The following CTNNA3 variants were observed in gnomAD, a reference collection of about 807,000 sequenced individuals.
CTNNA3 encodes catenin alpha-3.
In CTNNA3, 76 loss-of-function variants were observed where a neutral mutation model predicts 95.7. The ratio of observed to expected loss-of-function variants is 0.79; its 90% CI spans 0.66 to 0.96. The LOEUF (loss-of-function observed/expected upper bound fraction) is 0.96, where lower values mean the gene tolerates loss of function less well. CTNNA3 is among the 40% of genes least tolerant of loss of function. The pLI is 0.00. For missense variants in CTNNA3, 1,191 were observed against 1,089.8 expected (o/e 1.09, Z -1.31); for synonymous variants, 431 against 374.4 (o/e 1.15, Z -1.74).
intron 2 of CTNNA3, among the ~76,000 whole-genome samples, chr10:67,608,036 T>C (rs1589482823): frequency 6.6e-6 from 1 of 152,170 alleles, no homozygotes; most frequent in East Asian, 1.9e-4. Flanking sequence ...GGGAATACAG[T>C]GAGAGAGAGT....
At chr10:67,161,491 T>C (rs976985009) in intron 7 of CTNNA3, among the ~76,000 whole-genome samples, 1 of 151,850 alleles carries the variant, frequency 6.6e-6, no homozygotes, top group Non-Finnish European at 1.5e-5. Flanking sequence ...GTGTATATAA[T>C]GCCATACCTC....
chr10:66,647,034 GAA>G (rs1845729755), intron 9 of CTNNA3, among the ~76,000 whole-genome samples: 1 of 151,362 alleles, frequency 6.6e-6, no homozygotes, highest in African/African-American at 2.4e-5. Context: ...AAAAGAAAAA[GAA>G]TGCGGCTGCA....
At chr10:67,126,632 C>CT (rs1179732805) in intron 7 of CTNNA3, among the ~76,000 whole-genome samples, 16 of 152,208 alleles carry the variant, frequency 1.1e-4, no homozygotes, top group African/African-American at 3.9e-4. Flanking sequence ...CATGCCAGCA[C>CT]TTTCTTCAAT....
At chr10:67,709,460 G>A (rs1345016694) in intron 1 of CTNNA3, among the ~76,000 whole-genome samples, 2 of 152,140 alleles carry the variant, frequency 1.3e-5, no homozygotes, top group Non-Finnish European at 1.5e-5. Context: ...AACCCTCTAA[G>A]TTTCTTTGGA....
chr10:67,376,432 C>T (rs1278750960), intron 5 of CTNNA3, among the ~76,000 whole-genome samples: 3 of 152,204 alleles, frequency 2.0e-5, no homozygotes, highest in Non-Finnish European at 4.4e-5. Context: ...TATCCTCTCA[C>T]ATGAATTAAG....
At chr10:66,686,271 C>A (rs760041346) in intron 9 of CTNNA3, among the ~76,000 whole-genome samples, 32 of 149,102 alleles carry the variant, frequency 2.1e-4, no homozygotes, top group Non-Finnish European at 3.8e-4. Context: ...TCTTCAGCAG[C>A]CTGGGCAACA....
At chr10:66,527,515 A>G (rs1280079341) in intron 10 of CTNNA3, among the ~76,000 whole-genome samples, 1 of 152,154 alleles carries the variant, frequency 6.6e-6, no homozygotes, top group Non-Finnish European at 1.5e-5. Context: ...TATCATCTTC[A>G]TAATATTAAA....
chr10:66,182,655 T>C (rs10996958), intron 13 of CTNNA3, among the ~76,000 whole-genome samples: 23,766 of 152,114 alleles, frequency 0.16, 2,267 homozygotes, highest in Middle Eastern at 0.23. Flanking sequence ...TGTGTGGAAT[T>C]TTCTTTTTCC....
chr10:66,441,312 T>C (rs1444664823), intron 11 of CTNNA3, among the ~76,000 whole-genome samples: 1 of 152,222 alleles, frequency 6.6e-6, no homozygotes, highest in East Asian at 1.9e-4. Context: ...TATGATAGAT[T>C]GATCTGTTCA....
chr10:67,696,410 A>G (rs1840965086), upstream of CTNNA3, among the ~76,000 whole-genome samples: 2 of 152,236 alleles, frequency 1.3e-5, no homozygotes, highest in Non-Finnish European at 2.9e-5. Context: ...AAAGGCTGGA[A>G]TTATTGAAAG....
At chr10:65,996,295 G>T (rs2133350606) in intron 15 of CTNNA3, among the ~76,000 whole-genome samples, 2 of 152,272 alleles carry the variant, frequency 1.3e-5, no homozygotes, top group South Asian at 4.1e-4. Flanking sequence ...GGGAGCACAT[G>T]CTTTGGCTCC....
chr10:67,560,810 A>G (rs1194048826), intron 3 of CTNNA3, among the ~76,000 whole-genome samples: 4 of 152,230 alleles, frequency 2.6e-5, no homozygotes, highest in Admixed American at 6.5e-5. Flanking sequence ...AAGCAAATGG[A>G]AAACAAAAAA....
chr10:66,107,831 A>C (rs2081966885), intron 13 of CTNNA3, among the ~76,000 whole-genome samples: 1 of 152,094 alleles, frequency 6.6e-6, no homozygotes, highest in African/African-American at 2.4e-5. Flanking sequence ...ACAGGAAGAA[A>C]ATAAAAAAGA....
intron 9 of CTNNA3, among the ~76,000 whole-genome samples, chr10:66,706,119 T>C (rs1186024853): frequency 2.0e-5 from 3 of 152,058 alleles, no homozygotes; most frequent in African/African-American, 7.2e-5. Flanking sequence ...ACATCATCAG[T>C]GTGCAGTAGA....
intron 13 of CTNNA3, among the ~76,000 whole-genome samples, chr10:66,125,051 C>G (rs2082757514): frequency 6.6e-6 from 1 of 152,118 alleles, no homozygotes; most frequent in Admixed American, 6.6e-5. Context: ...TAAAAACTTT[C>G]TCAGACAAAC....
chr10:67,260,647 T>C (rs1292503957), intron 5 of CTNNA3, among the ~76,000 whole-genome samples: 2 of 152,034 alleles, frequency 1.3e-5, no homozygotes, highest in Admixed American at 6.6e-5. Flanking sequence ...AATCATAACA[T>C]GCTACGTGAC....
intron 6 of CTNNA3, among the ~76,000 whole-genome samples, chr10:67,189,086 C>T (rs768329795): frequency 1.3e-5 from 2 of 151,828 alleles, no homozygotes; most frequent in Admixed American, 6.6e-5. Flanking sequence ...TGCTACACTC[C>T]AGCCTGGGTG....
chr10:66,848,397 C>T (rs1843357562), intron 7 of CTNNA3, among the ~76,000 whole-genome samples: 1 of 152,124 alleles, frequency 6.6e-6, no homozygotes, highest in African/African-American at 2.4e-5. Context: ...GCGCTGGATC[C>T]TCCCACTTGT....
chr10:66,103,337 T>C (rs1227769177), intron 13 of CTNNA3, 88 bp from the exon 14 acceptor site: 5 of 1,005,396 alleles, frequency 5.0e-6, no homozygotes, highest in East Asian at 2.4e-5. Flanking sequence ...AAAAGGGTAA[T>C]CATAAAGTTA....
Sources: gnomAD v4.1 joint callset for allele counts (sites outside exome capture counted in the v4.1 genomes callset) on GRCh38, gnomAD v4.1.1 for gene constraint, MANE v1.5 for transcripts, NCBI Gene and HGNC (gene_info 2026-07-23, HGNC 2026-07-21) for gene names.